The following WASHC4 variants were observed in gnomAD, a reference collection of about 807,000 sequenced individuals.
The protein encoded by WASHC4 is WASH complex subunit 4.
In WASHC4, 86 loss-of-function variants were observed where a neutral mutation model predicts 166.6. The ratio of observed to expected loss-of-function variants is 0.52; its 90% CI spans 0.43 to 0.62. The LOEUF (loss-of-function observed/expected upper bound fraction) is 0.62, where lower values mean the gene tolerates loss of function less well. WASHC4 is among the 20% of genes least tolerant of loss of function. The pLI is 0.00. For synonymous variants in WASHC4, 446 were observed against 451.6 expected (o/e 0.99, Z 0.16); for missense variants, 1,262 against 1,382.4 (o/e 0.91, Z 1.38).
chr12:105,131,426 C>G (rs1478027473), intron 13 of WASHC4, among the ~76,000 whole-genome samples: 1 of 152,232 alleles, frequency 6.6e-6, no homozygotes, highest in African/African-American at 2.4e-5. Context: ...CATCAGTCAT[C>G]TGGATGTGAT....
rs1372575047 is a variant in WASHC4, at chr12:105,155,907, T to TA, written c.2759-818dup. Among the ~76,000 whole-genome samples, 6 of 152,208 alleles carry TA rather than the reference T, an allele frequency of 3.9e-5. 1 individual carries two copies. Among genetic ancestry groups the TA allele is most frequent in the Admixed American group, 6.5e-5 (1 of 15,292 alleles). The stretch of plus-strand genomic sequence containing the variant: ...AAAAATTCACTAGCAGCTCTGTAGA[T>TA]ATTATACAACACTGGGGAATGTGGC... On this transcript the variant is annotated intron_variant, in intron 26 of 32. Transcript: ENST00000332180.
At chr12:105,122,325 C>T (rs1455025485) in intron 10 of WASHC4, 87 bp downstream of exon 10, 1 of 1,341,702 alleles carries the variant, frequency 7.5e-7, no homozygotes, top group African/African-American at 1.5e-5. Context: ...TTATAATATA[C>T]TGTTGAATAT....
In WASHC4 at chr12:105,157,321, A is replaced by G. The variant is rs770874371; in HGVS notation, c.2911A>G (p.Arg971Gly). 1 of 1,509,342 alleles carries G rather than the reference A, an allele frequency of 6.6e-7. No individual in the cohort carries two copies. Among genetic ancestry groups the G allele is most frequent in the Non-Finnish European group, 9.2e-7 (1 of 1,091,538 alleles). The allele number at this position is 1,509,342 out of a possible 1,614,324, so 93.5% of individuals were successfully genotyped here. Residue 971 changes from arginine (R) to glycine (G), a missense_variant and splice_region_variant, in exon 28 of 33, where the codon AGG becomes GGG. By Grantham distance (125) the Arg-to-Gly change is moderately radical. Transcript: ENST00000332180. ...GLAEETLKAA[R>G]HLDSVLSDHT... ...TGCAGAAGAAACATTAAAAGCAGCA[A>G]GGTAATCTAAATTTGGAAATATAAA...
Position 105,166,901 on chromosome 12 carries a change from C to T in WASHC4, c.3492C>T (p.Ser1164=), listed in dbSNP as rs779186753. The stretch of plus-strand genomic sequence containing the variant: ...CAAGCAATGGAGACCTGTCTGACAG[C>T]ACTGTGTCTGCTGATCCTGTTGTGA... ...TKTSNGDLSD[S]TVSADPVVK The change falls in exon 33 of 33, where the codon AGC becomes AGT. Residue 1164 remains serine, a synonymous_variant. Transcript: ENST00000332180. The T allele has an allele frequency of 1.2e-6, 2 of 1,606,792 alleles. No homozygotes were observed. The highest frequency in any genetic ancestry group is 1.7e-6 in the Non-Finnish European group (2 of 1,176,744).
intron 2 of WASHC4, among the ~76,000 whole-genome samples, chr12:105,112,120 C>T (rs534796405): frequency 6.6e-6 from 1 of 152,268 alleles, no homozygotes; most frequent in Non-Finnish European, 1.5e-5. Flanking sequence ...GTGTTTGTCT[C>T]CTCTGTACAC....
At chr12:105,159,789 A>G (rs1024298677) in intron 28 of WASHC4, among the ~76,000 whole-genome samples, 2 of 152,218 alleles carry the variant, frequency 1.3e-5, no homozygotes, top group Non-Finnish European at 2.9e-5. Flanking sequence ...AGATGTTCTA[A>G]TAGTCTATTT....
At chr12:105,148,076 GTAT>G (rs1356284127) in intron 24 of WASHC4, 3 of 985,196 alleles carry the variant, frequency 3.0e-6, no homozygotes, top group African/African-American at 3.5e-5. Context: ...AAGTAGTACA[GTAT>G]TATTAAACAC....
chr12:105,140,514 AT>A, intron 16 of WASHC4, 113 bp downstream of exon 16: 2 of 799,790 alleles, frequency 2.5e-6, no homozygotes, highest in Non-Finnish European at 4.2e-6. Context: ...TTCAAACATA[AT>A]ATGCTCGGTT....
chr12:105,163,909 A>G (rs1017160281), intron 30 of WASHC4, among the ~76,000 whole-genome samples: 3 of 152,124 alleles, frequency 2.0e-5, no homozygotes, highest in African/African-American at 4.8e-5. Context: ...TTATACTTCT[A>G]CATTGTTTTT....
In WASHC4 at chr12:105,114,273, C is replaced by T. The variant is rs1176622881; in HGVS notation, c.255+4C>T. The T allele has an allele frequency of 2.5e-6, 4 of 1,608,138 alleles. No homozygotes were observed. Among genetic ancestry groups the T allele is most frequent in the Non-Finnish European group, 3.4e-6 (4 of 1,175,972 alleles). ...ACTCATAAAGACTGAAAACAAGGTA[C>T]AGAATCCTAAATCTAAAAAATTGTT... On this transcript the variant is annotated splice_donor_region_variant and intron_variant, in intron 3 of 32. Coordinates refer to ENST00000332180, the MANE Select transcript of WASHC4 (RefSeq NM_015275.3).
Position 105,167,461 on chromosome 12 carries a change from C to T in WASHC4, c.*530C>T, listed in dbSNP as rs1334698896. The T allele has an allele frequency of 6.4e-6, 1 of 156,540 alleles. No individual in the cohort carries two copies. Among genetic ancestry groups the T allele is most frequent in the Admixed American group, 6.2e-5 (1 of 16,104 alleles). 9.7% of individuals were successfully genotyped at this position (156,540 alleles called of 1,614,324 possible). A position where few individuals can be genotyped will look rare whatever the true frequency, so the allele number is the denominator to read the frequency against. On this transcript the variant is annotated 3_prime_UTR_variant, in exon 33 of 33. Transcript: ENST00000332180. ...GAGGCACAAGTGTTTTATGTACTCT[C>T]AGTGTACAGTATAACTGATGATCCT... is the stretch of plus-strand genomic sequence containing the variant.
At chr12:105,110,723 CTG>C (rs905961016) in intron 1 of WASHC4, among the ~76,000 whole-genome samples, 10 of 152,224 alleles carry the variant, frequency 6.6e-5, no homozygotes, top group African/African-American at 1.7e-4. Flanking sequence ...CTGTGACAGA[CTG>C]TTTTTTTCAC....
At position 105,162,835 on chromosome 12, in the gene WASHC4, C is replaced by G. The variant is rs1479058558; in HGVS notation, c.3147C>G (p.Gly1049=). 3 of 1,575,386 alleles carry G rather than the reference C, an allele frequency of 1.9e-6. No individual in the cohort carries two copies. The South Asian group carries it at 3.3e-5, about 18-fold the overall frequency. The stretch of plus-strand genomic sequence containing the variant: ...TTGGAGCTGCCTTTACTGATGATGG[C>G]TTTGCCATGGGTAAGCTTAATGGAA... ...NKIGAAFTDD[G]FAMGVAYILK... Residue 1049 remains glycine, a synonymous_variant, in exon 30 of 33, where the codon GGC becomes GGG. Transcript: ENST00000332180.
At chr12:105,110,628 A>G (rs940869502) in intron 1 of WASHC4, among the ~76,000 whole-genome samples, 3 of 152,244 alleles carry the variant, frequency 2.0e-5, no homozygotes, top group South Asian at 2.1e-4. Flanking sequence ...TCAAGCAGGT[A>G]TAAAACCTCC....
At position 105,113,695 on chromosome 12, in the gene WASHC4, A is replaced by G. The variant is rs1476824193; in HGVS notation, c.202-521A>G. 2.0e-5 allele frequency among the ~76,000 whole-genome samples: 3 copies of G among 152,174 alleles called. No homozygotes were observed. The South Asian group carries it at 6.2e-4, about 31-fold the overall frequency. ...TTCACTTGATAAATAGATCACATATAGTCAATGATCAGGAAGAGGTGGAAA... is the reference window on the plus strand; with the variant it reads ...TTCACTTGATAAATAGATCACATATGGTCAATGATCAGGAAGAGGTGGAAA... On this transcript the variant is annotated intron_variant, in intron 2 of 32. Coordinates refer to ENST00000332180, the MANE Select transcript of WASHC4 (RefSeq NM_015275.3).
rs530971935 is a variant in WASHC4, at chr12:105,140,151, G to A, written c.1453-143G>A. On this transcript the variant is annotated intron_variant, in intron 15 of 32. Transcript: ENST00000332180. ...CTCCCAAAGTGCTGGGATTACAGGC[G>A]TGAGCCACCACGCCAGGACTGTAAG... 73 of 657,310 alleles carry A rather than the reference G, an allele frequency of 1.1e-4. No individual in the cohort carries two copies. The African/African-American group carries it at 1.2e-3, about 11-fold the overall frequency. 40.7% of individuals were successfully genotyped at this position (657,310 alleles called of 1,614,324 possible). A position where few individuals can be genotyped will look rare whatever the true frequency, so the allele number is the denominator to read the frequency against.
intron 20 of WASHC4, among the ~76,000 whole-genome samples, chr12:105,143,905 A>C (rs1883073327): frequency 6.6e-6 from 1 of 152,012 alleles, no homozygotes; most frequent in East Asian, 1.9e-4. Flanking sequence ...ACTCCTTGGT[A>C]GACCAGAAAA....
At chr12:105,149,051 T>G (rs960463595) in intron 24 of WASHC4, 4 of 979,840 alleles carry the variant, frequency 4.1e-6, no homozygotes, top group Non-Finnish European at 4.8e-6. Context: ...TTAAAATGTT[T>G]GTCACCTGTT....
chr12:105,118,340 T>C (rs1880387435), intron 6 of WASHC4, 106 bp from the exon 7 acceptor site: 2 of 837,944 alleles, frequency 2.4e-6, no homozygotes, highest in Admixed American at 3.8e-5. Flanking sequence ...GGAGGCTTTA[T>C]TGGAAAACTG....
Sources: gnomAD v4.1 joint callset for allele counts (sites outside exome capture counted in the v4.1 genomes callset) on GRCh38, gnomAD v4.1.1 for gene constraint, MANE v1.5 for transcripts, NCBI Gene and HGNC (gene_info 2026-07-23, HGNC 2026-07-21) for gene names.